Variants in CDH12 observed in about 807,000 individuals in gnomAD.
The protein encoded by CDH12 is cadherin-12.
In CDH12, 41 loss-of-function variants were observed where a neutral mutation model predicts 74.1. The ratio of observed to expected loss-of-function variants is 0.55; its 90% CI spans 0.43 to 0.72. The LOEUF is 0.72. Among genes scored for constraint, CDH12 ranks in the 30% least tolerant of loss-of-function variants. The probability of loss-of-function intolerance (pLI) is 0.00; values close to 1 mark genes in which losing one functional copy is unlikely to be tolerated. For missense variants in CDH12, 945 were observed against 977.2 expected, an observed-to-expected ratio of 0.97 and a Z score of 0.44; for synonymous variants, 399 against 355.0, an observed-to-expected ratio of 1.12 and a Z score of -1.39.
rs75646397 is a variant in CDH12 at position 22,042,235 on chromosome 5, T to C, written c.231+36211A>G. ...AATATCTCAAATAAACAACCTAACA[T>C]TGTAACTTAAGGAATTAGAAAAACA... is the stretch of plus-strand genomic sequence containing the variant. On this transcript the variant is annotated intron_variant, in intron 5 of 14. Transcript: ENST00000382254. 1.8e-3 allele frequency among the ~76,000 whole-genome samples: 266 copies of C among 151,150 alleles called. 3 individuals carry two copies. Among genetic ancestry groups the C allele is most frequent in the African/African-American group, 6.1e-3 (250 of 41,212 alleles).
At chr5:22,696,365 C>A (rs1346384697) in intron 1 of CDH12, among the ~76,000 whole-genome samples, 1 of 87,166 alleles carries the variant, frequency 1.1e-5, no homozygotes, top group African/African-American at 8.1e-5. Context: ...AGTGAGACTC[C>A]GTCTCAAAAA....
chr5:21,986,284 AAT>A (rs1260815594), intron 5 of CDH12, among the ~76,000 whole-genome samples: 1 of 152,174 alleles, frequency 6.6e-6, no homozygotes, highest in Non-Finnish European at 1.5e-5. Context: ...ATAGAAAAAA[AAT>A]ATGTTATTCC....
intron 3 of CDH12, among the ~76,000 whole-genome samples, chr5:22,293,889 A>G (rs571151215): frequency 6.6e-6 from 1 of 152,292 alleles, no homozygotes; most frequent in Admixed American, 6.5e-5. Flanking sequence ...TCTCAGTTAC[A>G]TAGAAAAAAT....
intron 10 of CDH12, among the ~76,000 whole-genome samples, chr5:21,789,823 C>A (rs1390554936): frequency 6.6e-6 from 1 of 151,942 alleles, no homozygotes; most frequent in African/African-American, 2.4e-5. Flanking sequence ...TCCTACTTAC[C>A]CAAAGTTTGT....
chr5:21,837,151 A>G (rs1416012737), intron 8 of CDH12, among the ~76,000 whole-genome samples: 1 of 152,024 alleles, frequency 6.6e-6, no homozygotes, highest in African/African-American at 2.4e-5. Context: ...TTAAATGGGA[A>G]TATATATGCA....
chr5:22,677,886 A>T (rs11954951), intron 1 of CDH12, among the ~76,000 whole-genome samples: 1 of 151,708 alleles, frequency 6.6e-6, no homozygotes, highest in African/African-American at 2.4e-5. Flanking sequence ...CTAGTGAAGG[A>T]CCTCTTCCTG....
rs551188222 is a variant in CDH12, at chr5:22,035,079, C to A, written c.231+43367G>T. Among the ~76,000 whole-genome samples, 5 of 152,124 alleles carry A rather than the reference C, an allele frequency of 3.3e-5. 1 individual carries two copies. The South Asian group carries it at 1.0e-3, about 32-fold the overall frequency. On this transcript the variant is annotated intron_variant, in intron 5 of 14. Transcript: ENST00000382254. ...CACTTCAAGTTGTGGTTTCTAAGAA[C>A]GTGTCAATGATGTTAAGTGAGGACT...
At chr5:21,820,267 T>G (rs372947123) in intron 8 of CDH12, among the ~76,000 whole-genome samples, 9 of 152,170 alleles carry the variant, frequency 5.9e-5, no homozygotes, top group East Asian at 3.9e-4. Flanking sequence ...CTTTGTAGTA[T>G]TCTATCAATT....
intron 3 of CDH12, among the ~76,000 whole-genome samples, chr5:22,238,286 CT>C (rs1326476544): frequency 6.6e-6 from 1 of 152,166 alleles, no homozygotes; most frequent in Admixed American, 6.5e-5. Context: ...CCTGGTGGGG[CT>C]TGTGTAATAC....
chr5:22,520,808 C>G (rs866700402), intron 1 of CDH12, among the ~76,000 whole-genome samples: 1 of 152,040 alleles, frequency 6.6e-6, no homozygotes, highest in African/African-American at 2.4e-5. Context: ...ATATAACATA[C>G]TGAAATATCT....
chr5:22,062,565 G>A (rs1303460295), intron 5 of CDH12, among the ~76,000 whole-genome samples: 1 of 152,076 alleles, frequency 6.6e-6, no homozygotes, highest in African/African-American at 2.4e-5. Flanking sequence ...AAAAAGCAGA[G>A]AGCTAAAGAT....
At chr5:22,367,121 G>A (rs974012821) in intron 3 of CDH12, among the ~76,000 whole-genome samples, 11 of 151,832 alleles carry the variant, frequency 7.2e-5, no homozygotes, top group African/African-American at 2.7e-4. Flanking sequence ...GTATTTTTGT[G>A]TTTTTTTTAA....
intron 1 of CDH12, among the ~76,000 whole-genome samples, chr5:22,836,316 TG>T (rs1485325166): frequency 1.5e-5 from 2 of 137,626 alleles, no homozygotes; most frequent in Non-Finnish European, 3.1e-5. Flanking sequence ...CTCTTCCTCC[TG>T]GGTTCAAGTG....
chr5:22,537,173 A>T (rs1348469342), intron 1 of CDH12, among the ~76,000 whole-genome samples: 3 of 152,206 alleles, frequency 2.0e-5, no homozygotes, highest in Admixed American at 2.0e-4. Flanking sequence ...CTATAAAGGT[A>T]ACAAGATTAC....
At chr5:22,205,264 C>T (rs1413316667) in intron 4 of CDH12, among the ~76,000 whole-genome samples, 1 of 152,114 alleles carries the variant, frequency 6.6e-6, no homozygotes, top group East Asian at 1.9e-4. Context: ...CAGACACTAT[C>T]TTAGGTACTG....
chr5:22,523,981 ATTTT>A (rs761099580), intron 1 of CDH12, among the ~76,000 whole-genome samples: 1 of 142,190 alleles, frequency 7.0e-6, no homozygotes, highest in African/African-American at 2.6e-5. Context: ...TATTATTATT[ATTTT>A]TTTTTTTTTT....
intron 1 of CDH12, among the ~76,000 whole-genome samples, chr5:22,763,345 C>T (rs1054345111): frequency 6.6e-5 from 10 of 151,810 alleles, no homozygotes; most frequent in African/African-American, 2.4e-4. Flanking sequence ...ATCATTATCA[C>T]AATATAAAAG....
At chr5:22,559,573 AGAG>A (rs1325465548) in intron 1 of CDH12, among the ~76,000 whole-genome samples, 1 of 152,230 alleles carries the variant, frequency 6.6e-6, no homozygotes, top group East Asian at 1.9e-4. Flanking sequence ...AGCAAGACAA[AGAG>A]GAGAAGAGTT....
At chr5:22,446,314 C>G (rs142950153) in intron 2 of CDH12, among the ~76,000 whole-genome samples, 1 of 152,062 alleles carries the variant, frequency 6.6e-6, no homozygotes, top group Admixed American at 6.6e-5. Flanking sequence ...AACTTCAAAC[C>G]CTTTCTAACT....
Sources: gnomAD v4.1 joint callset for allele counts (sites outside exome capture counted in the v4.1 genomes callset) on GRCh38, gnomAD v4.1.1 for gene constraint, MANE v1.5 for transcripts, NCBI Gene and HGNC (gene_info 2026-07-23, HGNC 2026-07-21) for gene names.